ZMYM2: variants seen among roughly 807,000 people sequenced by gnomAD.
The protein encoded by ZMYM2 is zinc finger MYM-type protein 2.
ZMYM2 carries 56 observed loss-of-function variants against 162.8 expected under a neutral mutation model. The ratio of observed to expected loss-of-function variants is 0.34; its 90% CI spans 0.28 to 0.43. The LOEUF is 0.43. ZMYM2 is among the 20% of genes least tolerant of loss of function. ZMYM2 has a pLI of 1.00. For synonymous variants in ZMYM2, 510 were observed against 541.6 expected, an observed-to-expected ratio of 0.94 and a Z score of 0.81; for missense variants, 1,275 against 1,621.8, an observed-to-expected ratio of 0.79 and a Z score of 3.67.
chr13:19,896,720 G>A, the ZMYM2 span, among the ~76,000 whole-genome samples: 1 of 137,380 alleles, frequency 7.3e-6, no homozygotes, highest in African/African-American at 3.0e-5. Flanking sequence ...TTGTGCCACT[G>A]CACTCCAGCC....
chr13:20,049,828 A>T (rs894358540), intron 12 of ZMYM2, among the ~76,000 whole-genome samples: 1 of 151,998 alleles, frequency 6.6e-6, no homozygotes, highest in African/African-American at 2.4e-5. Flanking sequence ...CTGTAACTCT[A>T]CTTTTGGTTC....
chr13:20,017,673 C>T (rs576851586), intron 6 of ZMYM2, among the ~76,000 whole-genome samples: 3 of 152,138 alleles, frequency 2.0e-5, no homozygotes, highest in South Asian at 4.1e-4. Flanking sequence ...CTTTTCCCCC[C>T]ACCCAGTCTG....
the ZMYM2 span, among the ~76,000 whole-genome samples, chr13:19,874,679 AT>A: frequency 6.6e-6 from 1 of 151,368 alleles, no homozygotes; most frequent in Non-Finnish European, 1.5e-5. Flanking sequence ...ATAATCCTTA[AT>A]TTAATCATAT....
the ZMYM2 span, among the ~76,000 whole-genome samples, chr13:19,924,351 C>T: frequency 6.6e-6 from 1 of 152,000 alleles, no homozygotes; most frequent in African/African-American, 2.4e-5. Flanking sequence ...ATCGCTTGAG[C>T]CCAGGAGTTC....
At position 20,029,871 on chromosome 13, in the gene ZMYM2, C is replaced by T. The variant is rs146306339; in HGVS notation, c.1852-1448C>T. 9.6e-3 allele frequency among the ~76,000 whole-genome samples: 1,450 copies of T among 151,764 alleles called. 21 individuals carry two copies. The highest frequency in any genetic ancestry group is 0.041 in the Middle Eastern group (12 of 292). Reference sequence around the variant, plus strand: ...GGGGTGCAGTGGCATGATCTCGGCTCGCTGCAATCTCTGCCTCCTGGGTTC... The same window carrying T: ...GGGGTGCAGTGGCATGATCTCGGCTTGCTGCAATCTCTGCCTCCTGGGTTC... On this transcript the variant is annotated intron_variant, in intron 9 of 24. Coordinates refer to ENST00000610343, the MANE Select transcript of ZMYM2 (RefSeq NM_197968.4).
At chr13:19,949,104 A>AC in the ZMYM2 span, among the ~76,000 whole-genome samples, 7 of 4,376 alleles carry the variant, frequency 1.6e-3, no homozygotes, top group East Asian at 0.25. Flanking sequence ...TTATCTTCAC[A>AC]AAAAAAAAAA....
the ZMYM2 span, among the ~76,000 whole-genome samples, chr13:19,880,223 T>G: frequency 7.9e-5 from 12 of 152,158 alleles, no homozygotes; most frequent in Non-Finnish European, 1.3e-4. Context: ...CACTCATATA[T>G]CCATGTATAT....
intron 2 of ZMYM2, among the ~76,000 whole-genome samples, chr13:19,980,514 C>T (rs533062430): frequency 5.0e-4 from 76 of 151,912 alleles, no homozygotes; most frequent in African/African-American, 1.5e-3. Context: ...CACTTTGGGA[C>T]GCCAAGGCAG....
At chr13:20,018,696 A>C (rs1460278239) in intron 6 of ZMYM2, among the ~76,000 whole-genome samples, 1 of 152,260 alleles carries the variant, frequency 6.6e-6, no homozygotes, top group Admixed American at 6.5e-5. Context: ...CATGGAAAGC[A>C]GGAAGCATAT....
chr13:19,882,597 A>C, the ZMYM2 span, among the ~76,000 whole-genome samples: 4 of 152,030 alleles, frequency 2.6e-5, no homozygotes, highest in African/African-American at 9.7e-5. Context: ...AAATACAAAA[A>C]TTCGCAGGGC....
At chr13:20,003,773 C>T (rs1281048709) in intron 4 of ZMYM2, among the ~76,000 whole-genome samples, 1 of 151,970 alleles carries the variant, frequency 6.6e-6, no homozygotes, top group African/African-American at 2.4e-5. Flanking sequence ...CTCAGCCTCC[C>T]GAGTAGTTAG....
the ZMYM2 span, among the ~76,000 whole-genome samples, chr13:19,902,879 AG>A: frequency 6.6e-6 from 1 of 151,520 alleles, no homozygotes; most frequent in Admixed American, 6.6e-5. Flanking sequence ...AGTCCAAGCC[AG>A]GCACGGTGGC....
intron 2 of ZMYM2, among the ~76,000 whole-genome samples, chr13:19,964,135 G>C (rs1461070444): frequency 6.6e-6 from 1 of 151,684 alleles, no homozygotes; most frequent in African/African-American, 2.4e-5. Context: ...TCTTAGCTTT[G>C]GGAGACTGAG....
intron 10 of ZMYM2, among the ~76,000 whole-genome samples, chr13:20,032,775 A>C (rs3794385): frequency 0.027 from 4,130 of 151,458 alleles, 119 homozygotes; most frequent in East Asian, 0.13. Flanking sequence ...CGCCTGGCTA[A>C]TTTTTGTATT....
the ZMYM2 span, among the ~76,000 whole-genome samples, chr13:19,872,964 C>T: frequency 6.6e-6 from 1 of 151,656 alleles, no homozygotes; most frequent in Admixed American, 6.6e-5. Flanking sequence ...CACGCCACTG[C>T]ACTCCAGCCA....
chr13:19,963,676 A>G (rs978768024), intron 2 of ZMYM2, among the ~76,000 whole-genome samples: 1 of 152,212 alleles, frequency 6.6e-6, no homozygotes, highest in Non-Finnish European at 1.5e-5. Flanking sequence ...TGGTCATTTT[A>G]AAATGTGTTA....
At chr13:19,910,826 T>C in the ZMYM2 span, among the ~76,000 whole-genome samples, 28 of 152,098 alleles carry the variant, frequency 1.8e-4, no homozygotes, top group Non-Finnish European at 3.5e-4. Context: ...ATGTGGTTAC[T>C]GTAATGGACA....
intron 12 of ZMYM2, among the ~76,000 whole-genome samples, chr13:20,038,603 GCT>G (rs1953950904): frequency 6.6e-6 from 1 of 152,006 alleles, no homozygotes; most frequent in Non-Finnish European, 1.5e-5. Flanking sequence ...TCATTTCTGG[GCT>G]CTCTATTCTG....
At chr13:19,986,875 G>A (rs578059517) in intron 2 of ZMYM2, among the ~76,000 whole-genome samples, 1 of 152,088 alleles carries the variant, frequency 6.6e-6, no homozygotes, top group African/African-American at 2.4e-5. Flanking sequence ...GGCCGAGGCA[G>A]GTGGATCACT....
Sources: allele counts gnomAD v4.1 joint callset (sites outside exome capture counted in the v4.1 genomes callset), GRCh38; gene constraint gnomAD v4.1.1; transcripts MANE v1.5; gene names NCBI Gene and HGNC (gene_info 2026-07-23, HGNC 2026-07-21).